Variants in TRPM6 observed in about 807,000 individuals in gnomAD.
The protein encoded by TRPM6 is channel kinase 2.
Under a neutral mutation model 247.6 loss-of-function variants are expected in TRPM6, and 111 were observed. The observed-to-expected ratio is 0.45, with a 90% CI of 0.38 to 0.52. TRPM6 has a LOEUF of 0.52. Ranked by LOEUF, TRPM6 falls within the 20% of genes least tolerant of loss-of-function variation. The probability of loss-of-function intolerance (pLI) is 0.00; values close to 1 mark genes in which losing one functional copy is unlikely to be tolerated. For synonymous variants in TRPM6, 892 were observed against 853.8 expected (o/e 1.04, Z -0.78); for missense variants, 2,126 against 2,421.5 (o/e 0.88, Z 2.56).
At chr9:74,828,092 G>A (rs1224129807) in intron 6 of TRPM6, 143 bp from the exon 7 acceptor site, 6 of 848,958 alleles carry the variant, frequency 7.1e-6, no homozygotes, top group Admixed American at 5.3e-5. Flanking sequence ...GGTGGCTCAT[G>A]CCTGTAATCC....
At chr9:74,887,587 T>G in intron 1 of TRPM6, 2 of 1,519,156 alleles carry the variant, frequency 1.3e-6, no homozygotes, top group Non-Finnish European at 1.8e-6. Flanking sequence ...TCCCAGCTCT[T>G]GAAACGGGGG....
chr9:74,887,083 A>G (rs1490277709), intron 1 of TRPM6: 2 of 449,418 alleles, frequency 4.5e-6, no homozygotes, highest in Non-Finnish European at 7.5e-6. Flanking sequence ...CCCAACAGCC[A>G]GGAGCACCCT....
intron 19 of TRPM6, among the ~76,000 whole-genome samples, chr9:74,791,341 C>T (rs1827889831): frequency 6.6e-6 from 1 of 152,084 alleles, no homozygotes; most frequent in South Asian, 2.1e-4. Flanking sequence ...GGAAATACAA[C>T]ACATTTAGAT....
At chr9:74,781,494 C>A (rs1276424413) in intron 23 of TRPM6, among the ~76,000 whole-genome samples, 1 of 135,712 alleles carries the variant, frequency 7.4e-6, no homozygotes, top group African/African-American at 2.8e-5. Flanking sequence ...TGGGGTCACA[C>A]CAACTGCACT....
At chr9:74,749,548 C>G (rs1826168472) in intron 30 of TRPM6, among the ~76,000 whole-genome samples, 1 of 152,176 alleles carries the variant, frequency 6.6e-6, no homozygotes, top group African/African-American at 2.4e-5. Flanking sequence ...GACAAGCCTA[C>G]AAATCAGTTT....
intron 23 of TRPM6, among the ~76,000 whole-genome samples, chr9:74,777,198 G>A (rs1827254836): frequency 1.3e-5 from 2 of 152,202 alleles, no homozygotes; most frequent in African/African-American, 4.8e-5. Flanking sequence ...CTCTAGGGTT[G>A]CACATGCTAT....
intron 25 of TRPM6, among the ~76,000 whole-genome samples, chr9:74,771,450 T>A (rs1039820713): frequency 1.3e-5 from 2 of 152,348 alleles, no homozygotes; most frequent in Admixed American, 6.5e-5. Flanking sequence ...CGCGCATGAA[T>A]GTAAGTCCCA....
rs149289356 is a variant in TRPM6 at position 74,820,507 on chromosome 9, C to G, written c.1011-80G>C. Reference sequence around the variant, plus strand: ...ACATCAGTACAAGAAAACACCCCATCAGCTCCCCAGACTGAAAAGGTGTCT... The same window carrying G: ...ACATCAGTACAAGAAAACACCCCATGAGCTCCCCAGACTGAAAAGGTGTCT... On this transcript the variant is annotated intron_variant, in intron 8 of 38. Coordinates refer to ENST00000360774, the MANE Select transcript of TRPM6 (RefSeq NM_017662.5). 6.9e-5 allele frequency: 107 copies of G among 1,550,280 alleles called. No individual in the cohort carries two copies. The African/African-American group carries it at 1.3e-3, about 18-fold the overall frequency.
intron 24 of TRPM6, among the ~76,000 whole-genome samples, chr9:74,774,629 A>G (rs535317259): frequency 6.6e-6 from 1 of 152,274 alleles, no homozygotes; most frequent in East Asian, 1.9e-4. Flanking sequence ...AAACACATAA[A>G]TAGCCCGCTA....
At chr9:74,794,726 A>C (rs944903987) in intron 18 of TRPM6, among the ~76,000 whole-genome samples, 3 of 152,132 alleles carry the variant, frequency 2.0e-5, no homozygotes, top group African/African-American at 7.2e-5. Flanking sequence ...CCTGTCTCTG[A>C]GTTGAATTCA....
chr9:74,792,806 A>T, intron 18 of TRPM6, 36 bp from the exon 19 acceptor site: 2 of 1,592,628 alleles, frequency 1.3e-6, no homozygotes, highest in Non-Finnish European at 1.7e-6. Flanking sequence ...TCTTGTCAGC[A>T]GCTTAACTAA....
At chr9:74,832,384 T>TTTTTTGGATAATG (rs1336147162) in intron 6 of TRPM6, among the ~76,000 whole-genome samples, 1 of 152,122 alleles carries the variant, frequency 6.6e-6, no homozygotes, top group Non-Finnish European at 1.5e-5. Context: ...ATCAAATCAC[T>TTTTTTGGATAATG]AAATAATGAA....
chr9:74,854,432 G>A (rs1315775127), intron 3 of TRPM6, among the ~76,000 whole-genome samples: 4 of 152,014 alleles, frequency 2.6e-5, no homozygotes, highest in African/African-American at 9.7e-5. Flanking sequence ...AAAATTAATT[G>A]TGGTCTTCAC....
chr9:74,774,136 AT>A (rs1827137137), intron 24 of TRPM6, among the ~76,000 whole-genome samples: 1 of 152,208 alleles, frequency 6.6e-6, no homozygotes, highest in African/African-American at 2.4e-5. Context: ...ATCAGAAGCA[AT>A]GTTATGAAAA....
Position 74,802,129 on chromosome 9 carries a change from T to A in TRPM6, c.1778A>T (p.Gln593Leu). ...AGACTCAGGGTCATCTGATACATTTTGTTCTTTTGACTTCTTCCTTGATTT... is the reference window on the plus strand; with the variant it reads ...AGACTCAGGGTCATCTGATACATTTAGTTCTTTTGACTTCTTCCTTGATTT... ...LHKSRKKSKE[Q>L]NVSDDPESTG... Residue 593 changes from glutamine (Q) to leucine (L), a missense_variant, in exon 16 of 39, where the codon CAA becomes CTA. By Grantham distance (113) the Gln-to-Leu change is moderately radical. Transcript: ENST00000360774. 1.9e-6 allele frequency: 3 copies of A among 1,614,188 alleles called. No individual in the cohort carries two copies. The highest frequency in any genetic ancestry group is 2.5e-6 in the Non-Finnish European group (3 of 1,180,014).
Position 74,803,975 on chromosome 9 carries a change from G to T in TRPM6, c.1639-89C>A, listed in dbSNP as rs115901669. 5.4e-4 allele frequency: 451 copies of T among 837,402 alleles called. 7 individuals carry two copies. In the African/African-American group the frequency reaches 6.7e-3, roughly 12 times the overall value. The allele number at this position is 837,402 out of a possible 1,614,324, so 51.9% of individuals were successfully genotyped here. On this transcript the variant is annotated intron_variant, in intron 14 of 38. Coordinates refer to ENST00000360774, the MANE Select transcript of TRPM6 (RefSeq NM_017662.5). Reference sequence around the variant, plus strand: ...AAACAAAAGGAGGGGAGATTATAGTGGTAACAATATTTTATTTCTAGACAA... The same window carrying T: ...AAACAAAAGGAGGGGAGATTATAGTTGTAACAATATTTTATTTCTAGACAA...
intron 1 of TRPM6, among the ~76,000 whole-genome samples, chr9:74,878,931 C>T (rs971660542): frequency 6.6e-6 from 1 of 152,066 alleles, no homozygotes; most frequent in African/African-American, 2.4e-5. Flanking sequence ...GTTCAATCTG[C>T]CATTGAGCTA....
At chr9:74,844,721 A>C (rs1830053605) in intron 3 of TRPM6, among the ~76,000 whole-genome samples, 1 of 152,282 alleles carries the variant, frequency 6.6e-6, no homozygotes, top group Admixed American at 6.5e-5. Context: ...CTGGAGTAGC[A>C]CTTATAATTT....
chr9:74,839,889 G>GGAAGGAAGGAAT (rs1829862606), intron 5 of TRPM6, 135 bp downstream of exon 5: 5 of 584,638 alleles, frequency 8.6e-6, no homozygotes, highest in African/African-American at 3.1e-5. Flanking sequence ...AAGGAAGGAA[G>GGAAGGAAGGAAT]GAAGGAGGGA....
Sources: gnomAD v4.1 joint callset for allele counts (sites outside exome capture counted in the v4.1 genomes callset) on GRCh38, gnomAD v4.1.1 for gene constraint, MANE v1.5 for transcripts, NCBI Gene and HGNC (gene_info 2026-07-23, HGNC 2026-07-21) for gene names.